Variants in DPH6 observed in about 807,000 individuals in gnomAD.
The protein encoded by DPH6 is diphthamine biosynthesis 6, also known as diphthine--ammonia ligase.
DPH6 carries 33 observed loss-of-function variants against 38.2 expected under a neutral mutation model. That is an observed-to-expected ratio of 0.86 (90% CI 0.65 to 1.15). The LOEUF (loss-of-function observed/expected upper bound fraction) is 1.15. DPH6 is among the 50% of genes most tolerant of loss of function. The pLI is 0.00. For synonymous variants in DPH6, 108 were observed against 103.0 expected (o/e 1.05, Z -0.30); for missense variants, 325 against 320.0 (o/e 1.02, Z -0.12).
chr15:35,147,868 C>A, the DPH6 span, among the ~76,000 whole-genome samples: 1 of 152,120 alleles, frequency 6.6e-6, no homozygotes, highest in African/African-American at 2.4e-5. Context: ...GCCTTGATGC[C>A]TTTAAAAGTG....
chr15:35,315,582 T>C (rs2052181915), intron 3 of DPH6, among the ~76,000 whole-genome samples: 1 of 152,138 alleles, frequency 6.6e-6, no homozygotes, highest in Non-Finnish European at 1.5e-5. Flanking sequence ...CCTCATACAC[T>C]GTTGGTGGGA....
At chr15:35,404,998 T>C (rs960011566) in intron 6 of DPH6, among the ~76,000 whole-genome samples, 4 of 152,138 alleles carry the variant, frequency 2.6e-5, no homozygotes, top group African/African-American at 9.7e-5. Flanking sequence ...CCCCAATGTA[T>C]GTTCTTGGCA....
At chr15:35,340,199 C>A (rs956481192) in intron 3 of DPH6, among the ~76,000 whole-genome samples, 1 of 152,090 alleles carries the variant, frequency 6.6e-6, no homozygotes, top group Non-Finnish European at 1.5e-5. Flanking sequence ...AGGATTGCAA[C>A]CCCTGAGTTT....
At chr15:35,237,557 G>T (rs1341194415) in intron 3 of DPH6, 8 of 1,554,424 alleles carry the variant, frequency 5.1e-6, no homozygotes, top group Middle Eastern at 1.7e-4. Context: ...CAGAGTCTCG[G>T]GGGGCGTGGA....
chr15:35,194,037 T>C, the DPH6 span, among the ~76,000 whole-genome samples: 1 of 152,152 alleles, frequency 6.6e-6, no homozygotes, highest in African/African-American at 2.4e-5. Context: ...GAGCACCTAA[T>C]ATAACATGAT....
chr15:35,338,364 G>A (rs1052796137), intron 3 of DPH6, among the ~76,000 whole-genome samples: 2 of 152,102 alleles, frequency 1.3e-5, no homozygotes, highest in African/African-American at 2.4e-5. Context: ...ATCAAAAAGT[G>A]GGCGAAGGAC....
At chr15:35,375,856 G>T (rs1291346091) in intron 7 of DPH6, among the ~76,000 whole-genome samples, 1 of 151,962 alleles carries the variant, frequency 6.6e-6, no homozygotes, top group East Asian at 1.9e-4. Flanking sequence ...TTGAGACTCA[G>T]CCATGGTCTT....
At chr15:35,497,688 G>A (rs2054575094) in intron 3 of DPH6, among the ~76,000 whole-genome samples, 1 of 152,022 alleles carries the variant, frequency 6.6e-6, no homozygotes, top group Non-Finnish European at 1.5e-5. Flanking sequence ...CAACCCTCAG[G>A]AAAATGGAGA....
At chr15:35,310,178 GA>G (rs1216291510) in intron 3 of DPH6, among the ~76,000 whole-genome samples, 1 of 152,096 alleles carries the variant, frequency 6.6e-6, no homozygotes, top group African/African-American at 2.4e-5. Context: ...AACGAGAATG[GA>G]TATTCTTTAG....
intron 3 of DPH6, among the ~76,000 whole-genome samples, chr15:35,304,343 C>A (rs1475736190): frequency 6.6e-6 from 1 of 152,078 alleles, no homozygotes; most frequent in African/African-American, 2.4e-5. Flanking sequence ...ATTATTCAGT[C>A]AAAACCTCTG....
At chr15:35,401,344 T>C in intron 6 of DPH6, 1 of 764,034 alleles carries the variant, frequency 1.3e-6, no homozygotes, top group Non-Finnish European at 2.4e-6. Flanking sequence ...TGGTGGCAGC[T>C]GTGGTGCTGA....
At chr15:35,350,592 AGCTGCTTTT>A (rs1024948032) in intron 3 of DPH6, among the ~76,000 whole-genome samples, 1 of 152,006 alleles carries the variant, frequency 6.6e-6, no homozygotes, top group Non-Finnish European at 1.5e-5. Context: ...TCCCTCTTAG[AGCTGCTTTT>A]GCTGCATCCA....
chr15:35,200,983 C>CTTTTT, the DPH6 span, among the ~76,000 whole-genome samples: 4 of 123,868 alleles, frequency 3.2e-5, no homozygotes, highest in Admixed American at 8.5e-5. Flanking sequence ...AATAATTTCC[C>CTTTTT]TTTTTTTTTT....
chr15:35,260,500 ATTT>A (rs1307068482), intron 3 of DPH6, among the ~76,000 whole-genome samples: 3 of 150,550 alleles, frequency 2.0e-5, no homozygotes, highest in African/African-American at 7.3e-5. Context: ...ATAATTTATT[ATTT>A]AATAATAAAT....
At chr15:35,328,236 T>C (rs369798157), downstream of DPH6, among the ~76,000 whole-genome samples, 68 of 152,296 alleles carry the variant, frequency 4.5e-4, no homozygotes, top group South Asian at 0.014. Context: ...GGCTTTAAAA[T>C]GCTATTAATT....
At chr15:35,175,945 A>C in the DPH6 span, among the ~76,000 whole-genome samples, 14 of 152,344 alleles carry the variant, frequency 9.2e-5, 1 homozygote, top group South Asian at 2.9e-3. Flanking sequence ...CTCTCAGGTC[A>C]AGTCAAACGT....
At chr15:35,483,820 A>T (rs1434989317) in intron 3 of DPH6, among the ~76,000 whole-genome samples, 1 of 152,260 alleles carries the variant, frequency 6.6e-6, no homozygotes, top group East Asian at 1.9e-4. Context: ...AGCAAAATAC[A>T]ACATATTGGT....
rs116915538 is a variant in DPH6 at position 35,394,629 on chromosome 15, G to A, written c.568-12713C>T. Among the ~76,000 whole-genome samples the A allele has an allele frequency of 7.6e-3, 1,158 of 152,278 alleles. 6 individuals are homozygous for A. Among genetic ancestry groups the A allele is most frequent in the South Asian group, 0.023 (109 of 4,828 alleles). Reference sequence around the variant, plus strand: ...TGGCTTTGGAGACAGACAGTTCTTGGTTCATTCAAATCCTGGCTGTCACTT... The same window carrying A: ...TGGCTTTGGAGACAGACAGTTCTTGATTCATTCAAATCCTGGCTGTCACTT... On this transcript the variant is annotated intron_variant, in intron 6 of 8. Coordinates refer to ENST00000256538, the MANE Select transcript of DPH6 (RefSeq NM_080650.4).
chr15:35,429,727 G>A (rs2053609325), intron 5 of DPH6, among the ~76,000 whole-genome samples: 1 of 152,012 alleles, frequency 6.6e-6, no homozygotes, highest in African/African-American at 2.4e-5. Context: ...AAAGAGATGT[G>A]TCTCTGAAAA....
Sources: gnomAD v4.1 joint callset for allele counts (sites outside exome capture counted in the v4.1 genomes callset) on GRCh38, gnomAD v4.1.1 for gene constraint, MANE v1.5 for transcripts, NCBI Gene and HGNC (gene_info 2026-07-23, HGNC 2026-07-21) for gene names.